ABCB1: variants seen among roughly 807,000 people sequenced by gnomAD.
ABCB1 encodes the protein ATP binding cassette subfamily B member 1, also known as ATP-dependent translocase ABCB1.
A neutral mutation model predicts 142.0 loss-of-function variants in ABCB1; 69 were observed. The observed-to-expected ratio is 0.49, with a 90% CI of 0.40 to 0.59. The LOEUF (loss-of-function observed/expected upper bound fraction) is 0.59, where lower values mean the gene tolerates loss of function less well. Ranked by LOEUF, ABCB1 falls within the 20% of genes least tolerant of loss-of-function variation. ABCB1 has a pLI of 0.00. For synonymous variants in ABCB1, 532 were observed against 539.2 expected, an observed-to-expected ratio of 0.99 and a Z score of 0.18; for missense variants, 1,326 against 1,554.7, an observed-to-expected ratio of 0.85 and a Z score of 2.47.
chr7:87,700,684 T>A (rs1423399671), intron 1 of ABCB1: 2 of 790,978 alleles, frequency 2.5e-6, no homozygotes, highest in East Asian at 2.6e-5. Context: ...CGTCCTGTTC[T>A]GTGATGTTTC....
intron 20 of ABCB1, 94 bp downstream of exon 20, chr7:87,536,364 G>A: frequency 9.2e-7 from 1 of 1,082,880 alleles, no homozygotes; most frequent in Non-Finnish European, 1.4e-6. Context: ...TTTTCTTAAT[G>A]ATGATAACTA....
Position 87,520,886 on chromosome 7 carries a change from A to G in ABCB1, c.2686-10T>C, listed in dbSNP as rs1468049509. On this transcript the variant is annotated splice_polypyrimidine_tract_variant and intron_variant, in intron 21 of 27. Transcript: ENST00000622132. ...TTGCTTCAGTAGCGATCTGTAACAG[A>G]CAGCACCGATCACCAAGAGGCACAA... 6.2e-7 allele frequency: 1 copy of G among 1,608,648 alleles called. No homozygotes were observed. Among genetic ancestry groups the G allele is most frequent in the Non-Finnish European group, 8.5e-7 (1 of 1,175,156 alleles).
At chr7:87,528,788 T>C (rs1815908550) in intron 21 of ABCB1, among the ~76,000 whole-genome samples, 1 of 152,212 alleles carries the variant, frequency 6.6e-6, no homozygotes, top group African/African-American at 2.4e-5. Flanking sequence ...GTATCATGAA[T>C]TAATTCAGGT....
chr7:87,597,682 C>A (rs989704207), intron 2 of ABCB1, among the ~76,000 whole-genome samples: 5 of 152,090 alleles, frequency 3.3e-5, no homozygotes, highest in African/African-American at 1.2e-4. Context: ...GGAATACCTA[C>A]CCTCCACTCT....
chr7:87,589,642 G>T (rs1818902796), intron 3 of ABCB1, among the ~76,000 whole-genome samples: 2 of 151,986 alleles, frequency 1.3e-5, no homozygotes, highest in African/African-American at 4.8e-5. Context: ...AAAATTGTTT[G>T]GGTGTGATGG....
chr7:87,629,117 T>C (rs1820933722), intron 1 of ABCB1: 5 of 528,618 alleles, frequency 9.5e-6, no homozygotes, highest in African/African-American at 2.0e-5. Flanking sequence ...GGCCCGGGTC[T>C]GGACACCGTC....
intron 1 of ABCB1, among the ~76,000 whole-genome samples, chr7:87,668,482 C>T (rs946979818): frequency 6.6e-6 from 1 of 151,856 alleles, no homozygotes; most frequent in Non-Finnish European, 1.5e-5. Flanking sequence ...TCTCAGTTTC[C>T]TTCAGTTCAG....
upstream of ABCB1, among the ~76,000 whole-genome samples, chr7:87,602,027 T>C (rs1462973416): frequency 2.6e-5 from 4 of 152,328 alleles, no homozygotes; most frequent in South Asian, 4.1e-4. Context: ...GGAGTCTTGC[T>C]TTGTCGCCCA....
intron 1 of ABCB1, chr7:87,650,717 A>G (rs953113036): frequency 1.4e-6 from 1 of 706,660 alleles, no homozygotes; most frequent in Non-Finnish European, 2.6e-6. Context: ...ATACTCTTGT[A>G]AAATATTTTT....
intron 1 of ABCB1, chr7:87,700,505 G>T (rs1246289808): frequency 6.2e-7 from 1 of 1,613,374 alleles, no homozygotes; most frequent in Non-Finnish European, 8.5e-7. Context: ...TCACAGAATT[G>T]TATCTGCAGC....
chr7:87,694,006 T>G (rs1165424315), intron 1 of ABCB1: 1 of 1,604,372 alleles, frequency 6.2e-7, no homozygotes, highest in Non-Finnish European at 8.5e-7. Context: ...CACGGGAGCA[T>G]GGAATTGACT....
At chr7:87,638,718 C>T (rs935367995) in intron 1 of ABCB1, among the ~76,000 whole-genome samples, 1 of 151,886 alleles carries the variant, frequency 6.6e-6, no homozygotes, top group African/African-American at 2.4e-5. Context: ...TTATAATCTC[C>T]ATTTTCCCCA....
intron 1 of ABCB1, among the ~76,000 whole-genome samples, chr7:87,690,245 GAA>G (rs1827885198): frequency 1.3e-5 from 2 of 152,136 alleles, no homozygotes; most frequent in South Asian, 4.2e-4. Context: ...TTAATTTGAT[GAA>G]GAGTATTTTC....
chr7:87,668,735 C>T (rs1825522932), intron 1 of ABCB1, among the ~76,000 whole-genome samples: 1 of 151,930 alleles, frequency 6.6e-6, no homozygotes, highest in South Asian at 2.1e-4. Flanking sequence ...CATTATTTAC[C>T]CCAAAGCCAC....
At chr7:87,521,456 C>T in intron 21 of ABCB1, 1 of 710,308 alleles carries the variant, frequency 1.4e-6, no homozygotes, top group South Asian at 1.6e-5. Context: ...CTTTCCCCTG[C>T]CGTCATGTCT....
Position 87,545,944 on chromosome 7 carries a change from A to G in ABCB1, c.1806T>C (p.Asp602=), listed in dbSNP as rs201487038. Residue 602 remains aspartate (D), a synonymous_variant, in exon 15 of 28, where the codon GAT becomes GAC. Transcript: ENST00000622132. ...VRNADVIAGF[D]DGVIVEKGNH... ...TTCCTTTCTCCACAATGACTCCATC[A>G]TCGAAACCAGCGATGACGTCAGCAT... The G allele has an allele frequency of 1.3e-5, 21 of 1,614,034 alleles. No homozygotes were observed. Among genetic ancestry groups the G allele is most frequent in the Non-Finnish European group, 1.7e-5 (20 of 1,180,024 alleles).
chr7:87,536,403 G>T (rs899656547), intron 20 of ABCB1, 55 bp downstream of exon 20: 2 of 1,536,042 alleles, frequency 1.3e-6, no homozygotes, highest in Non-Finnish European at 1.8e-6. Context: ...TTAGTTTCAT[G>T]CTGGGGTCCA....
chr7:87,575,236 A>G (rs1818223259), intron 4 of ABCB1, among the ~76,000 whole-genome samples: 1 of 152,216 alleles, frequency 6.6e-6, no homozygotes. Flanking sequence ...ATGAATAAAA[A>G]ATATATAACA....
At chr7:87,636,467 G>A (rs1035220714) in intron 1 of ABCB1, among the ~76,000 whole-genome samples, 10 of 152,020 alleles carry the variant, frequency 6.6e-5, no homozygotes, top group Non-Finnish European at 1.0e-4. Context: ...TTCTGTATGG[G>A]AATCTTTTGT....
Sources: gnomAD v4.1 joint callset for allele counts (sites outside exome capture counted in the v4.1 genomes callset) on GRCh38, gnomAD v4.1.1 for gene constraint, MANE v1.5 for transcripts, NCBI Gene and HGNC (gene_info 2026-07-23, HGNC 2026-07-21) for gene names.